Variants in ZNF445 observed in about 807,000 individuals in gnomAD.
ZNF445 encodes zinc finger protein 168.
In ZNF445, 19 loss-of-function variants were observed where a neutral mutation model predicts 93.9. The ratio of observed to expected loss-of-function variants is 0.20; its 90% CI spans 0.14 to 0.30. ZNF445 has a LOEUF of 0.30. Among genes scored for constraint, ZNF445 ranks in the 10% least tolerant of loss-of-function variants. ZNF445 has a pLI of 1.00. For missense variants in ZNF445, 1,058 were observed against 1,259.4 expected (o/e 0.84, Z 2.42); for synonymous variants, 449 against 446.3 (o/e 1.01, Z -0.08).
rs1026420857 is a variant in ZNF445, at chr3:44,435,390, G to C, written c.*11185C>G. 2 of 152,330 alleles carry C rather than the reference G, an allele frequency of 1.3e-5. No individual in the cohort carries two copies. Among genetic ancestry groups the C allele is most frequent in the Admixed American group, 6.5e-5 (1 of 15,300 alleles). 9.4% of individuals were successfully genotyped at this position (152,330 alleles called of 1,614,324 possible). On this transcript the variant is annotated 3_prime_UTR_variant, in exon 8 of 8. Coordinates refer to ENST00000396077, the MANE Select transcript of ZNF445 (RefSeq NM_181489.6). ...AGTAACAACTGCAAACCAGTTGTCA[G>C]ACGTATCGTTTGCTCAGCACTGAAA...
chr3:44,445,059 T>A lies in ZNF445; in HGVS notation c.*1516A>T, dbSNP rs1360604906. On this transcript the variant is annotated 3_prime_UTR_variant, in exon 8 of 8. Coordinates refer to ENST00000396077, the MANE Select transcript of ZNF445 (RefSeq NM_181489.6). ...TGAGGGAGCTCCTCCCAGAACAGGC[T>A]GCCTTTTCTCCTGAGAGCAGCAGGC... The A allele has an allele frequency of 1.3e-5, 2 of 152,162 alleles. No homozygotes were observed. The highest frequency in any genetic ancestry group is 4.8e-5 in the African/African-American group (2 of 41,364). 9.4% of individuals were successfully genotyped at this position (152,162 alleles called of 1,614,324 possible).
At chr3:44,473,793 A>G (rs1472054756) in intron 1 of ZNF445, among the ~76,000 whole-genome samples, 4 of 152,060 alleles carry the variant, frequency 2.6e-5, no homozygotes, top group Non-Finnish European at 5.9e-5. Flanking sequence ...GAGCTACAAT[A>G]ATTTCAGCAA....
rs927463244 is a variant in ZNF445 at position 44,436,249 on chromosome 3, G to T, written c.*10326C>A. The T allele has an allele frequency of 2.0e-5, 3 of 152,232 alleles. No individual in the cohort carries two copies. The highest frequency in any genetic ancestry group is 2.0e-4 in the Admixed American group (3 of 15,282). 9.4% of individuals were successfully genotyped at this position (152,232 alleles called of 1,614,324 possible). ...TCCATTTCAGTTCTCAGGACACTAT[G>T]ATCAGCAGGCAGACATCACAGATCT... is the stretch of plus-strand genomic sequence containing the variant. On this transcript the variant is annotated 3_prime_UTR_variant, in exon 8 of 8. Transcript: ENST00000396077.
intron 1 of ZNF445, among the ~76,000 whole-genome samples, chr3:44,466,772 G>A (rs1184950512): frequency 6.6e-6 from 1 of 152,194 alleles, no homozygotes; most frequent in African/African-American, 2.4e-5. Context: ...CTTTCAAATA[G>A]ATGAATGGTG....
chr3:44,456,451 C>T (rs1575312198), intron 2 of ZNF445, among the ~76,000 whole-genome samples: 1 of 151,966 alleles, frequency 6.6e-6, no homozygotes, highest in East Asian at 1.9e-4. Flanking sequence ...CAAACAAAAC[C>T]AAAAAACAAT....
intron 6 of ZNF445, among the ~76,000 whole-genome samples, chr3:44,449,838 C>T (rs528598640): frequency 1.3e-5 from 2 of 152,308 alleles, no homozygotes; most frequent in South Asian, 4.2e-4. Flanking sequence ...TAGAATTTTC[C>T]AGAGGTGAGA....
In ZNF445 at chr3:44,447,704, T is replaced by C. The variant is rs1281721739; in HGVS notation, c.1967A>G (p.Asp656Gly). 4 of 1,614,192 alleles carry C rather than the reference T, an allele frequency of 2.5e-6. No homozygotes were observed. The highest frequency in any genetic ancestry group is 3.4e-6 in the Non-Finnish European group (4 of 1,180,042). The part of the protein sequence containing the change: ...LHEEEKFYKQ[D>G]ECREGFRQSP... ...TTGCCTGAAGCCTTCACGACATTCA[T>C]CTTGTTTGTAGAATTTTTCCTCCTC... is the stretch of plus-strand genomic sequence containing the variant. Residue 656 changes from aspartate to glycine, a missense_variant, in exon 8 of 8, where the codon GAT becomes GGT. By Grantham distance (94) the Asp-to-Gly change is moderately conservative. This residue lies in a region of ZNF445 where 387 missense variants were observed against 475.7 expected (regional missense o/e 0.81). Transcript: ENST00000396077. The surrounding 1 kb of genome is among the most constrained non-coding windows in gnomAD (Gnocchi z 4.7).
In ZNF445 at chr3:44,433,516, C is replaced by G. The variant is rs1258250483; in HGVS notation, c.*13059G>C. ...CTCAATGAAGTCTCAGAGAGCCATT[C>G]TAAGAACCCATGTTCTATTTCCAGA... On this transcript the variant is annotated 3_prime_UTR_variant, in exon 8 of 8. Coordinates refer to ENST00000396077, the MANE Select transcript of ZNF445 (RefSeq NM_181489.6). 1 of 152,208 alleles carries G rather than the reference C, an allele frequency of 6.6e-6. No homozygotes were observed. The highest frequency in any genetic ancestry group is 2.4e-5 in the African/African-American group (1 of 41,434). The allele number at this position is 152,208 out of a possible 1,614,324, so 9.4% of individuals were successfully genotyped here.
rs113709782 is a variant in ZNF445, at chr3:44,449,855, C to T, written c.821-232G>A. ...GAATTTTCCAGAGGTGAGAACCACA[C>T]GTCTACTTAATTGGTTACATCAGCC... On this transcript the variant is annotated intron_variant, in intron 6 of 7. Transcript: ENST00000396077. 2.1e-3 allele frequency among the ~76,000 whole-genome samples: 317 copies of T among 152,326 alleles called. 2 individuals carry two copies. Among genetic ancestry groups the T allele is most frequent in the Middle Eastern group, 0.014 (4 of 294 alleles).
chr3:44,439,907 A>G lies in ZNF445; in HGVS notation c.*6668T>C, dbSNP rs1697777071. ...TGTTGTGGTTATGAGAGCTCAGTGC[A>G]TTTGACAGTCAGGGTTTGCACAGTT... On this transcript the variant is annotated 3_prime_UTR_variant, in exon 8 of 8. Transcript: ENST00000396077. 1.3e-5 allele frequency: 2 copies of G among 152,332 alleles called. No homozygotes were observed. The highest frequency in any genetic ancestry group is 2.9e-5 in the Non-Finnish European group (2 of 68,040). 9.4% of individuals were successfully genotyped at this position (152,332 alleles called of 1,614,324 possible).
At chr3:44,454,712 C>T (rs1698002933) in intron 3 of ZNF445, among the ~76,000 whole-genome samples, 1 of 152,142 alleles carries the variant, frequency 6.6e-6, no homozygotes, top group Non-Finnish European at 1.5e-5. Flanking sequence ...AGGTGTGAGC[C>T]ACTATGCCTG....
At chr3:44,465,787 G>A (rs1018774556) in intron 1 of ZNF445, among the ~76,000 whole-genome samples, 3 of 152,060 alleles carry the variant, frequency 2.0e-5, no homozygotes, top group Non-Finnish European at 2.9e-5. Flanking sequence ...AATGGCACGC[G>A]CCTGTAATCC....
chr3:44,462,623 A>G (rs1473808917), intron 1 of ZNF445, among the ~76,000 whole-genome samples: 3 of 151,916 alleles, frequency 2.0e-5, no homozygotes, highest in South Asian at 2.1e-4. Context: ...CTGATTTCCT[A>G]TCTTGAATTT....
intron 2 of ZNF445, among the ~76,000 whole-genome samples, chr3:44,458,031 AG>A (rs1214395049): frequency 4.0e-5 from 6 of 150,676 alleles, no homozygotes; most frequent in Admixed American, 6.6e-5. Context: ...AAAAAAAAAA[AG>A]GATCAGACTT....
chr3:44,461,043 T>G (rs377429452), intron 1 of ZNF445, among the ~76,000 whole-genome samples: 8 of 152,062 alleles, frequency 5.3e-5, no homozygotes, highest in Non-Finnish European at 1.2e-4. Context: ...AATGGAGAAA[T>G]AGTCCTGGGG....
At position 44,438,037 on chromosome 3, in the gene ZNF445, G is replaced by C. The variant is rs1290281244; in HGVS notation, c.*8538C>G. 6.6e-6 allele frequency: 1 copy of C among 152,518 alleles called. No homozygotes were observed. The highest frequency in any genetic ancestry group is 1.9e-4 in the East Asian group (1 of 5,198). 9.4% of individuals were successfully genotyped at this position (152,518 alleles called of 1,614,324 possible). On this transcript the variant is annotated 3_prime_UTR_variant, in exon 8 of 8. Transcript: ENST00000396077. ...TTTTACCCAGCCCCTATTCAACATGGAGTTGCTCTCGTTCCAATGCTTCTG... is the reference window on the plus strand; with the variant it reads ...TTTTACCCAGCCCCTATTCAACATGCAGTTGCTCTCGTTCCAATGCTTCTG...
At chr3:44,471,406 G>A (rs1236233649) in intron 1 of ZNF445, among the ~76,000 whole-genome samples, 1 of 152,184 alleles carries the variant, frequency 6.6e-6, no homozygotes, top group Non-Finnish European at 1.5e-5. Context: ...GTGTGAGATG[G>A]ACAACAGGTC....
chr3:44,477,021 G>A (rs1391411588), intron 1 of ZNF445, among the ~76,000 whole-genome samples: 5 of 152,144 alleles, frequency 3.3e-5, no homozygotes. Context: ...CAGTAGTATG[G>A]ATATACTTAA....
rs905981161 is a variant in ZNF445 at position 44,435,676 on chromosome 3, T to G, written c.*10899A>C. ...CCTTTTCTACCAGAATTACTTTTAC[T>G]GTATGGATCAGGGAACTAGTGTGGG... On this transcript the variant is annotated 3_prime_UTR_variant, in exon 8 of 8. Transcript: ENST00000396077. The G allele has an allele frequency of 3.9e-5, 6 of 152,230 alleles. No individual in the cohort carries two copies. The highest frequency in any genetic ancestry group is 1.4e-4 in the African/African-American group (6 of 41,458). 9.4% of individuals were successfully genotyped at this position (152,230 alleles called of 1,614,324 possible).
Sources: allele counts gnomAD v4.1 joint callset (sites outside exome capture counted in the v4.1 genomes callset), GRCh38; gene constraint gnomAD v4.1.1; regional missense constraint gnomAD v4.1.1; non-coding constraint Gnocchi (gnomAD v3.1); transcripts MANE v1.5; gene names NCBI Gene and HGNC (gene_info 2026-07-23, HGNC 2026-07-21).